TGFBR3: variants seen among roughly 807,000 people sequenced by gnomAD.
TGFBR3 encodes the protein transforming growth factor beta receptor type 3.
Under a neutral mutation model 87.9 loss-of-function variants are expected in TGFBR3, and 46 were observed. The observed-to-expected ratio is 0.52, with a 90% CI of 0.41 to 0.67. TGFBR3 has a LOEUF of 0.67. Ranked by LOEUF, TGFBR3 falls within the 30% of genes least tolerant of loss-of-function variation. The probability of loss-of-function intolerance (pLI) is 0.00; values close to 1 mark genes in which losing one functional copy is unlikely to be tolerated. For synonymous variants in TGFBR3, 381 were observed against 391.6 expected (o/e 0.97, Z 0.32); for missense variants, 866 against 1,041.9 (o/e 0.83, Z 2.32).
intron 1 of TGFBR3, among the ~76,000 whole-genome samples, chr1:91,882,996 T>C (rs887626531): frequency 5.3e-5 from 8 of 152,310 alleles, no homozygotes; most frequent in Non-Finnish European, 1.0e-4. Flanking sequence ...TAATGAAAGA[T>C]GATGACAGGA....
At chr1:91,700,915 A>C (rs988283105) in intron 14 of TGFBR3, among the ~76,000 whole-genome samples, 1 of 152,200 alleles carries the variant, frequency 6.6e-6, no homozygotes, top group Non-Finnish European at 1.5e-5. Context: ...CCCTGAACTA[A>C]GTTCAAAGGC....
chr1:91,698,622 C>G (rs1424086356), intron 14 of TGFBR3, among the ~76,000 whole-genome samples: 1 of 151,158 alleles, frequency 6.6e-6, no homozygotes, highest in East Asian at 2.0e-4. Flanking sequence ...TCCATTTTAG[C>G]CTCCCGAGTA....
intron 2 of TGFBR3, among the ~76,000 whole-genome samples, chr1:91,818,526 A>G (rs1676331586): frequency 6.6e-6 from 1 of 152,104 alleles, no homozygotes; most frequent in Non-Finnish European, 1.5e-5. Context: ...GGTGTGATTC[A>G]ATTGAGTATG....
chr1:91,737,485 C>G (rs1295204784), intron 4 of TGFBR3, among the ~76,000 whole-genome samples: 4 of 152,238 alleles, frequency 2.6e-5, no homozygotes, highest in South Asian at 2.1e-4. Flanking sequence ...ATGCACCAGG[C>G]CCAGACCAGA....
intron 12 of TGFBR3, among the ~76,000 whole-genome samples, chr1:91,713,934 C>T (rs933353937): frequency 6.6e-5 from 10 of 151,532 alleles, no homozygotes; most frequent in African/African-American, 1.9e-4. Context: ...AAGTATGTAG[C>T]GGCAGAATGT....
Position 91,785,621 on chromosome 1 carries a change from C to T in TGFBR3, c.246+11666G>A, listed in dbSNP as rs1038785657. ...GTGAAGAACTTTCCTCCACACCTGGCGCCCACTCTGTGTATATTGAGTCCT... is the reference window on the plus strand; with the variant it reads ...GTGAAGAACTTTCCTCCACACCTGGTGCCCACTCTGTGTATATTGAGTCCT... On this transcript the variant is annotated intron_variant, in intron 3 of 16. Coordinates refer to ENST00000212355, the MANE Select transcript of TGFBR3 (RefSeq NM_003243.5). Among the ~76,000 whole-genome samples, 6 of 152,274 alleles carry T rather than the reference C, an allele frequency of 3.9e-5. No individual in the cohort carries two copies. The East Asian group carries it at 5.8e-4, about 15-fold the overall frequency.
chr1:91,708,264 T>C (rs897446266), intron 14 of TGFBR3, among the ~76,000 whole-genome samples: 1 of 152,168 alleles, frequency 6.6e-6, no homozygotes, highest in African/African-American at 2.4e-5. Context: ...AGCAATACAA[T>C]AGGTTATAGC....
At chr1:91,774,825 C>T (rs925058051) in intron 3 of TGFBR3, among the ~76,000 whole-genome samples, 3 of 152,112 alleles carry the variant, frequency 2.0e-5, no homozygotes, top group Admixed American at 2.0e-4. Flanking sequence ...CTGGCTACTC[C>T]AGAAGCAAAG....
At chr1:91,700,869 C>T (rs953562345) in intron 14 of TGFBR3, among the ~76,000 whole-genome samples, 3 of 152,106 alleles carry the variant, frequency 2.0e-5, no homozygotes, top group Non-Finnish European at 2.9e-5. Flanking sequence ...GAGTATCTAC[C>T]CACAAACTTC....
At position 91,864,725 on chromosome 1, in the gene TGFBR3, C is replaced by T. The variant is rs546093104; in HGVS notation, c.-113-3081G>A. 1.1e-4 allele frequency among the ~76,000 whole-genome samples: 16 copies of T among 152,244 alleles called. No homozygotes were observed. In the South Asian group the frequency reaches 2.5e-3, roughly 24 times the overall value. ...TAACACCCGACTTAGGAATCAGTTC[C>T]CTGGAATGCTGGATGGACTGAAGGC... On this transcript the variant is annotated intron_variant, in intron 1 of 16. Transcript: ENST00000212355.
intron 2 of TGFBR3, among the ~76,000 whole-genome samples, chr1:91,806,463 C>A: frequency 6.7e-6 from 1 of 150,110 alleles, no homozygotes; most frequent in South Asian, 2.1e-4. Flanking sequence ...GCAACATGGA[C>A]AAAAATACTG....
At chr1:91,777,083 T>C (rs901317894) in intron 3 of TGFBR3, among the ~76,000 whole-genome samples, 5 of 152,184 alleles carry the variant, frequency 3.3e-5, no homozygotes, top group African/African-American at 9.7e-5. Context: ...CCCTGGCAGG[T>C]ACCTTCCAAA....
intron 1 of TGFBR3, among the ~76,000 whole-genome samples, chr1:91,867,784 T>C (rs1425795346): frequency 2.0e-5 from 3 of 152,342 alleles, no homozygotes; most frequent in Non-Finnish European, 4.4e-5. Context: ...CTTACCCAGC[T>C]GTGTTACATT....
intron 2 of TGFBR3, among the ~76,000 whole-genome samples, chr1:91,859,067 A>T (rs938516213): frequency 6.6e-6 from 1 of 152,078 alleles, no homozygotes; most frequent in African/African-American, 2.4e-5. Context: ...TCAAAAAAAA[A>T]AAAAAAATCT....
intron 3 of TGFBR3, among the ~76,000 whole-genome samples, chr1:91,781,423 T>C (rs7530883): frequency 0.52 from 78,737 of 152,046 alleles, 21,274 homozygotes; most frequent in African/African-American, 0.67. Flanking sequence ...ACAAGGAACA[T>C]GCTGCGCTGC....
intron 1 of TGFBR3, among the ~76,000 whole-genome samples, chr1:91,905,114 T>A (rs1202110364): frequency 6.6e-6 from 1 of 152,238 alleles, no homozygotes; most frequent in Non-Finnish European, 1.5e-5. Flanking sequence ...TATGTCAATA[T>A]GTTGTAGCTA....
At chr1:91,853,056 G>T (rs767787556) in intron 2 of TGFBR3, among the ~76,000 whole-genome samples, 1 of 151,726 alleles carries the variant, frequency 6.6e-6, no homozygotes, top group Non-Finnish European at 1.5e-5. Flanking sequence ...CTACTTGGGG[G>T]TCTGTGGGGG....
At chr1:91,878,203 C>G (rs1311577855) in intron 1 of TGFBR3, among the ~76,000 whole-genome samples, 1 of 151,650 alleles carries the variant, frequency 6.6e-6, no homozygotes, top group Non-Finnish European at 1.5e-5. Context: ...TACAAAAGTA[C>G]TCAGGGTACC....
At chr1:91,752,919 C>T (rs886477966) in intron 4 of TGFBR3, among the ~76,000 whole-genome samples, 2 of 151,018 alleles carry the variant, frequency 1.3e-5, no homozygotes, top group Non-Finnish European at 2.9e-5. Flanking sequence ...CCCAGCTACT[C>T]GGGAGGCTGA....
Sources: allele counts gnomAD v4.1 joint callset (sites outside exome capture counted in the v4.1 genomes callset), GRCh38; gene constraint gnomAD v4.1.1; transcripts MANE v1.5; gene names NCBI Gene and HGNC (gene_info 2026-07-23, HGNC 2026-07-21).